TCAF1: variants seen among roughly 807,000 people sequenced by gnomAD.
TCAF1 encodes the protein TRPM8 channel-associated factor 1.
TCAF1 carries 4 observed loss-of-function variants against 27.3 expected under a neutral mutation model. That is an observed-to-expected ratio of 0.15 (90% CI 0.07 to 0.34). TCAF1 has a LOEUF of 0.34. TCAF1 is among the 10% of genes least tolerant of loss of function. The probability of loss-of-function intolerance (pLI) is 1.00; values close to 1 mark genes in which losing one functional copy is unlikely to be tolerated. For synonymous variants in TCAF1, 105 were observed against 167.1 expected, an observed-to-expected ratio of 0.63 and a Z score of 2.87; for missense variants, 257 against 425.8, an observed-to-expected ratio of 0.60 and a Z score of 3.49.
At chr7:143,885,382 C>G in intron 1 of TCAF1, 1 of 985,062 alleles carries the variant, frequency 1.0e-6, no homozygotes, top group Non-Finnish European at 1.2e-6. Context: ...GGGGTTGGGG[C>G]GTCCCCGGGA....
rs1814149861 is a variant in TCAF1, at chr7:143,902,126, GGA to G, written c.-182_-181del. On this transcript the variant is annotated 5_prime_UTR_variant, in exon 1 of 9. Transcript: ENST00000479870. Reference sequence around the variant, plus strand: ...CAGGAGGAAGCAGCTTCTCCGCCCAGGAGGCAAAGGGCAGCGGGCTCGAAACT... The same window carrying G: ...CAGGAGGAAGCAGCTTCTCCGCCCAGGGCAAAGGGCAGCGGGCTCGAAACT... 1 of 152,434 alleles carries G rather than the reference GGA, an allele frequency of 6.6e-6. No homozygotes were observed. The highest frequency in any genetic ancestry group is 1.5e-5 in the Non-Finnish European group (1 of 68,216). 9.4% of individuals were successfully genotyped at this position (152,434 alleles called of 1,614,324 possible).
At chr7:143,899,791 G>A (rs118053145) in intron 1 of TCAF1, among the ~76,000 whole-genome samples, 1,690 of 152,184 alleles carry the variant, frequency 0.011, 6 homozygotes, top group Non-Finnish European at 0.019. Context: ...ATTCCAATGA[G>A]TCAATAAAAA....
At position 143,900,308 on chromosome 7, in the gene TCAF1, T is replaced by C. The variant is rs571201342; in HGVS notation, c.-15+1653A>G. On this transcript the variant is annotated intron_variant, in intron 1 of 8. Coordinates refer to ENST00000479870, the MANE Select transcript of TCAF1 (RefSeq NM_014719.3). ...AATGAATATAAAATGGCAAAAATAA[T>C]GGGATGTCGCTTCTGAGGTTACAGA... Among the ~76,000 whole-genome samples, 4 of 152,162 alleles carry C rather than the reference T, an allele frequency of 2.6e-5. No individual in the cohort carries two copies. In the South Asian group the frequency reaches 8.3e-4, roughly 32 times the overall value.
rs781242324 is a variant in TCAF1 at position 143,876,593 on chromosome 7, C to T, written c.16G>A (p.Ala6Thr). ...CCATTCATAAGGGCCTCGAAGGCAG[C>T]AGAGGGAGTCGCCATGGCTCTATTG... MATPS[A>T]AFEALMNGVT... The change falls in exon 2 of 9, where the codon GCT (alanine) becomes ACT (threonine). Residue 6 changes from alanine to threonine, a missense_variant. Transcript: ENST00000479870. 9 of 1,510,596 alleles carry T rather than the reference C, an allele frequency of 6.0e-6. No individual in the cohort carries two copies. In the Admixed American group the frequency reaches 2.0e-4, roughly 34 times the overall value. The allele number at this position is 1,510,596 out of a possible 1,614,324, so 93.6% of individuals were successfully genotyped here. A position where few individuals can be genotyped will look rare whatever the true frequency, so the allele number is the denominator to read the frequency against.
intron 1 of TCAF1, among the ~76,000 whole-genome samples, chr7:143,891,322 C>A (rs1184698697): frequency 6.6e-6 from 1 of 151,886 alleles, no homozygotes; most frequent in Non-Finnish European, 1.5e-5. Flanking sequence ...AAAATAAACA[C>A]AGGCACAAGT....
intron 1 of TCAF1, chr7:143,885,145 C>G: frequency 4.1e-6 from 4 of 985,566 alleles, no homozygotes; most frequent in Non-Finnish European, 4.8e-6. Context: ...CGGGAGCCGC[C>G]CCTGAATTGG....
At chr7:143,880,289 GAATT>G (rs933406846) in intron 1 of TCAF1, among the ~76,000 whole-genome samples, 3 of 152,160 alleles carry the variant, frequency 2.0e-5, no homozygotes, top group African/African-American at 7.2e-5. Flanking sequence ...AATGCCCAGA[GAATT>G]AATTATTTGC....
intron 1 of TCAF1, chr7:143,885,316 G>C (rs1231550541): frequency 1.0e-6 from 1 of 985,446 alleles, no homozygotes; most frequent in African/African-American, 1.7e-5. Flanking sequence ...CAAATTGGTA[G>C]TGAAGTGGCT....
intron 1 of TCAF1, among the ~76,000 whole-genome samples, chr7:143,890,093 A>T (rs1813575589): frequency 6.6e-6 from 1 of 151,644 alleles, no homozygotes; most frequent in South Asian, 2.1e-4. Flanking sequence ...GGTTCACGCC[A>T]TTCTCCTGCC....
chr7:143,894,305 T>C (rs1813779501), intron 1 of TCAF1, among the ~76,000 whole-genome samples: 1 of 151,906 alleles, frequency 6.6e-6, no homozygotes. Context: ...ATAATACTAA[T>C]ATCATAAAAC....
chr7:143,874,487 G>A (rs1386709006), intron 2 of TCAF1, among the ~76,000 whole-genome samples: 3 of 115,200 alleles, frequency 2.6e-5, no homozygotes, highest in Non-Finnish European at 5.3e-5. Context: ...TTCAGGTTTC[G>A]TGAGGGTATT....
intron 1 of TCAF1, among the ~76,000 whole-genome samples, chr7:143,891,899 A>G (rs1264593948): frequency 1.3e-5 from 2 of 152,166 alleles, no homozygotes; most frequent in African/African-American, 2.4e-5. Context: ...TTTCATTTAA[A>G]TGAACAAAAA....
intron 1 of TCAF1, among the ~76,000 whole-genome samples, chr7:143,898,542 C>A (rs930103334): frequency 1.3e-5 from 2 of 151,848 alleles, no homozygotes. Context: ...TGTATGCCAG[C>A]AACAATAAAC....
chr7:143,899,125 G>C (rs1302263851), intron 1 of TCAF1, among the ~76,000 whole-genome samples: 2 of 152,150 alleles, frequency 1.3e-5, no homozygotes, highest in Non-Finnish European at 2.9e-5. Flanking sequence ...AACAGACTAA[G>C]ACACAGAGTT....
intron 1 of TCAF1, among the ~76,000 whole-genome samples, chr7:143,880,335 A>T (rs1812948108): frequency 6.6e-6 from 1 of 152,202 alleles, no homozygotes; most frequent in African/African-American, 2.4e-5. Flanking sequence ...GTGGTGGTGG[A>T]TCTAGGATTC....
At chr7:143,883,354 A>C (rs1352419557) in intron 1 of TCAF1, among the ~76,000 whole-genome samples, 1 of 151,994 alleles carries the variant, frequency 6.6e-6, no homozygotes, top group East Asian at 1.9e-4. Context: ...GAAATAGGAG[A>C]GGTGCAACTT....
At chr7:143,886,931 T>C (rs770150457) in intron 1 of TCAF1, among the ~76,000 whole-genome samples, 28 of 150,106 alleles carry the variant, frequency 1.9e-4, no homozygotes, top group Admixed American at 4.7e-4. Flanking sequence ...GGTCTTGAAG[T>C]CCTGGGCTCA....
chr7:143,885,373 G>T, intron 1 of TCAF1: 1 of 985,452 alleles, frequency 1.0e-6, no homozygotes, highest in South Asian at 4.7e-5. Flanking sequence ...AGACGGTTGG[G>T]GGTTGGGGCG....
chr7:143,860,001 AAT>A (rs1325796918), intron 6 of TCAF1, among the ~76,000 whole-genome samples: 22,604 of 36,170 alleles, frequency 0.62, 8,410 homozygotes, highest in South Asian at 0.81. Flanking sequence ...TATATTATAT[AAT>A]ATATATATAA....
Sources: gnomAD v4.1 joint callset for allele counts (sites outside exome capture counted in the v4.1 genomes callset) on GRCh38, gnomAD v4.1.1 for gene constraint, MANE v1.5 for transcripts, NCBI Gene and HGNC (gene_info 2026-07-23, HGNC 2026-07-21) for gene names.